The following MYO10 variants were observed in gnomAD, a reference collection of about 807,000 sequenced individuals.
The protein encoded by MYO10 is unconventional myosin-X.
MYO10 carries 133 observed loss-of-function variants against 257.3 expected under a neutral mutation model. The observed-to-expected ratio is 0.52, with a 90% confidence interval of 0.45 to 0.60. The LOEUF (loss-of-function observed/expected upper bound fraction) is 0.60, where lower values mean the gene tolerates loss of function less well. MYO10 is among the 20% of genes least tolerant of loss of function. The pLI is 0.00. For synonymous variants in MYO10, 1,104 were observed against 1,028.6 expected (o/e 1.07, Z -1.40); for missense variants, 2,399 against 2,635.7 (o/e 0.91, Z 1.97).
At chr5:16,819,456 A>C (rs184752038) in intron 2 of MYO10, among the ~76,000 whole-genome samples, 1 of 152,304 alleles carries the variant, frequency 6.6e-6, no homozygotes, top group Admixed American at 6.5e-5. Flanking sequence ...AAATCATTTG[A>C]TTGCGGAGTT....
intron 25 of MYO10, 116 bp downstream of exon 25, chr5:16,700,847 G>A (rs74414656): frequency 3.2e-6 from 4 of 1,255,330 alleles, no homozygotes; most frequent in Admixed American, 5.6e-5. Flanking sequence ...CTAAGACCAC[G>A]ACTCTGCAAT....
rs1195400229 is a variant in MYO10 at position 16,666,219 on chromosome 5, C to A, written c.*473G>T. The A allele has an allele frequency of 6.4e-6, 1 of 155,176 alleles. No individual in the cohort carries two copies. Among genetic ancestry groups the A allele is most frequent in the African/African-American group, 2.4e-5 (1 of 41,596 alleles). 9.6% of individuals were successfully genotyped at this position (155,176 alleles called of 1,614,324 possible). On this transcript the variant is annotated 3_prime_UTR_variant, in exon 41 of 41. Transcript: ENST00000513610. The stretch of plus-strand genomic sequence containing the variant: ...ACACTGTCCCCTCGAGCTCTCCATC[C>A]CCCTTCCCACTCCCTCACCTTCCCT...
At chr5:16,912,804 A>ACACG (rs1554008430) in intron 1 of MYO10, among the ~76,000 whole-genome samples, 2 of 103,726 alleles carry the variant, frequency 1.9e-5, no homozygotes, top group African/African-American at 8.5e-5. Flanking sequence ...ACCACCCTGC[A>ACACG]CACACACACA....
chr5:16,824,912 G>C (rs1007456048), intron 2 of MYO10, among the ~76,000 whole-genome samples: 1 of 151,936 alleles, frequency 6.6e-6, no homozygotes, highest in Non-Finnish European at 1.5e-5. Flanking sequence ...AAAAACAATC[G>C]AAGAAATAAA....
At chr5:16,688,722 A>C (rs906508230) in intron 28 of MYO10, among the ~76,000 whole-genome samples, 2 of 151,240 alleles carry the variant, frequency 1.3e-5, no homozygotes, top group Non-Finnish European at 2.9e-5. Context: ...CCTGGGCAAC[A>C]AGAGAGAAAC....
At chr5:16,729,158 T>C (rs1163881812) in intron 19 of MYO10, among the ~76,000 whole-genome samples, 1 of 152,232 alleles carries the variant, frequency 6.6e-6, no homozygotes, top group Non-Finnish European at 1.5e-5. Flanking sequence ...CTAAGATATT[T>C]ATTTGTATTG....
chr5:16,920,474 A>G (rs370872178), intron 1 of MYO10, among the ~76,000 whole-genome samples: 1 of 152,292 alleles, frequency 6.6e-6, no homozygotes, highest in African/African-American at 2.4e-5. Flanking sequence ...AAAACTATAG[A>G]GAAGGAGAAA....
intron 2 of MYO10, among the ~76,000 whole-genome samples, chr5:16,821,873 G>C (rs1392904682): frequency 1.3e-5 from 2 of 151,390 alleles, no homozygotes; most frequent in Non-Finnish European, 2.9e-5. Context: ...ACAGAATCAT[G>C]ACGGGAGACA....
intron 11 of MYO10, among the ~76,000 whole-genome samples, chr5:16,765,619 C>T (rs555268880): frequency 6.6e-6 from 1 of 152,282 alleles, no homozygotes; most frequent in South Asian, 2.1e-4. Flanking sequence ...TTCATTATAA[C>T]AACACATTAT....
intron 37 of MYO10, 110 bp from the exon 38 acceptor site, chr5:16,671,652 G>C: frequency 2.2e-6 from 3 of 1,357,080 alleles, no homozygotes; most frequent in Non-Finnish European, 3.0e-6. Context: ...CATTCTGTCC[G>C]GGCCCAGAAA....
At chr5:16,829,123 C>G (rs1476428056) in intron 2 of MYO10, among the ~76,000 whole-genome samples, 1 of 152,090 alleles carries the variant, frequency 6.6e-6, no homozygotes, top group Admixed American at 6.6e-5. Context: ...TAGAGATGAT[C>G]CATGTGGGAC....
intron 36 of MYO10, among the ~76,000 whole-genome samples, chr5:16,673,097 C>T (rs1313601706): frequency 6.6e-6 from 1 of 151,990 alleles, no homozygotes; most frequent in Non-Finnish European, 1.5e-5. Context: ...TCTTGCAAAC[C>T]TATATTAACA....
chr5:16,911,376 A>C (rs1745651637), intron 1 of MYO10, among the ~76,000 whole-genome samples: 1 of 152,208 alleles, frequency 6.6e-6, no homozygotes, highest in Non-Finnish European at 1.5e-5. Flanking sequence ...AAACTTGTCC[A>C]ACCTGCAGCC....
At chr5:16,886,748 A>G (rs78826810) in intron 1 of MYO10, among the ~76,000 whole-genome samples, 9,600 of 151,976 alleles carry the variant, frequency 0.063, 377 homozygotes, top group African/African-American at 0.1. Flanking sequence ...CCTGGTCAAC[A>G]TGGTGAAACC....
chr5:16,923,192 A>G (rs187625290), intron 1 of MYO10, among the ~76,000 whole-genome samples: 1 of 152,356 alleles, frequency 6.6e-6, no homozygotes, highest in East Asian at 1.9e-4. Flanking sequence ...AAACATGGGT[A>G]GAAATAAACA....
chr5:16,812,932 T>TTA, intron 3 of MYO10, among the ~76,000 whole-genome samples: 1 of 151,788 alleles, frequency 6.6e-6, no homozygotes, highest in Admixed American at 6.6e-5. Context: ...TTTTATTTTT[T>TTA]TTTTTTTTTT....
chr5:16,692,210 T>C (rs191746138), intron 27 of MYO10, among the ~76,000 whole-genome samples: 112 of 152,024 alleles, frequency 7.4e-4, no homozygotes, highest in Middle Eastern at 6.8e-3. Flanking sequence ...CACCTGAGGT[T>C]AGGAGTTTGA....
At chr5:16,812,929 T>A (rs952051945) in intron 3 of MYO10, among the ~76,000 whole-genome samples, 1 of 142,484 alleles carries the variant, frequency 7.0e-6, no homozygotes, top group Non-Finnish European at 1.5e-5. Flanking sequence ...TGCTTTTATT[T>A]TTTTTTTTTT....
intron 19 of MYO10, among the ~76,000 whole-genome samples, chr5:16,736,047 C>G (rs936232433): frequency 6.6e-6 from 1 of 152,116 alleles, no homozygotes; most frequent in Non-Finnish European, 1.5e-5. Context: ...CTCAGATACG[C>G]GACTACACAT....
Sources: gnomAD v4.1 joint callset for allele counts (sites outside exome capture counted in the v4.1 genomes callset) on GRCh38, gnomAD v4.1.1 for gene constraint, MANE v1.5 for transcripts, NCBI Gene and HGNC (gene_info 2026-07-23, HGNC 2026-07-21) for gene names.